GDPD5: variants seen among roughly 807,000 people sequenced by gnomAD.
The protein encoded by GDPD5 is glycerophosphodiester phosphodiesterase domain containing 5.
In GDPD5, 48 loss-of-function variants were observed where a neutral mutation model predicts 75.1. That is an observed-to-expected ratio of 0.64 (90% CI 0.51 to 0.81). The LOEUF is 0.81. Ranked by LOEUF, GDPD5 falls within the 40% of genes least tolerant of loss-of-function variation. GDPD5 has a pLI of 0.00. For synonymous variants in GDPD5, 336 were observed against 339.0 expected, an observed-to-expected ratio of 0.99 and a Z score of 0.10; for missense variants, 706 against 822.6, an observed-to-expected ratio of 0.86 and a Z score of 1.73.
rs1235843833 is a variant in GDPD5, at chr11:75,457,742, G to C, written c.266C>G (p.Pro89Arg). The C allele has an allele frequency of 1.9e-6, 3 of 1,614,020 alleles. No individual in the cohort carries two copies. Among genetic ancestry groups the C allele is most frequent in the Non-Finnish European group, 2.5e-6 (3 of 1,180,018 alleles). The change falls in exon 5 of 17, where the codon CCC becomes CGC. Residue 89 changes from proline (P) to arginine (R), a missense_variant. Coordinates refer to ENST00000336898, the MANE Select transcript of GDPD5 (RefSeq NM_030792.8). ...GGCAGCAGCTGTGGTCACAAGGATG[G>C]GTACGGGCCAGTCGCTCCAGTAGCC... Reference protein sequence around the residue: ...RMGYWSDWPVPILVTTAAAFA... With the variant: ...RMGYWSDWPVRILVTTAAAFA...
chr11:75,458,972 C>T (rs1949354789), intron 4 of GDPD5, among the ~76,000 whole-genome samples: 1 of 152,020 alleles, frequency 6.6e-6, no homozygotes, highest in Admixed American at 6.5e-5. Flanking sequence ...CAGGGTCTTG[C>T]CATGTTTCCC....
rs1315685972 is a variant in GDPD5 at position 75,441,173 on chromosome 11, A to AG, written c.1462dup (p.Leu488ProfsTer44). ...TGCCCCCCAACTCACCATGATCCAG[A>AG]GGGGGGAAGGCACCTGGGACAGGGC... On this transcript the variant is annotated frameshift_variant, in exon 14 of 17. Coordinates refer to ENST00000336898, the MANE Select transcript of GDPD5 (RefSeq NM_030792.8). LOFTEE classifies it high-confidence loss of function. The AG allele has an allele frequency of 6.2e-7, 1 of 1,613,398 alleles. No individual in the cohort carries two copies. The highest frequency in any genetic ancestry group is 8.5e-7 in the Non-Finnish European group (1 of 1,179,776).
chr11:75,485,499 AG>A (rs1950003036), intron 2 of GDPD5: 1 of 145,612 alleles, frequency 6.9e-6, no homozygotes. Flanking sequence ...CTTTTGAAAA[AG>A]TGTATTAAAT....
At chr11:75,437,605 A>G (rs1948660254) in intron 15 of GDPD5, 1 of 153,522 alleles carries the variant, frequency 6.5e-6, no homozygotes, top group African/African-American at 2.4e-5. Context: ...GGTTAGAGTG[A>G]CTTGGAGTGG....
intron 1 of GDPD5, among the ~76,000 whole-genome samples, chr11:75,499,872 C>T (rs187663339): frequency 1.1e-3 from 169 of 152,292 alleles, no homozygotes; most frequent in African/African-American, 3.7e-3. Context: ...AGGCCAACCC[C>T]GCCCAGCCCT....
At chr11:75,474,607 T>TG (rs1279159684) in intron 3 of GDPD5, among the ~76,000 whole-genome samples, 1 of 151,008 alleles carries the variant, frequency 6.6e-6, no homozygotes, top group Non-Finnish European at 1.5e-5. Context: ...GCGTGTATCC[T>TG]GGGGGACTGG....
At chr11:75,470,279 G>A (rs983004439) in intron 3 of GDPD5, among the ~76,000 whole-genome samples, 1 of 152,218 alleles carries the variant, frequency 6.6e-6, no homozygotes, top group African/African-American at 2.4e-5. Flanking sequence ...CTTTCCTTAT[G>A]TAAGAGAATT....
At chr11:75,492,862 A>G (rs962846173) in intron 1 of GDPD5, among the ~76,000 whole-genome samples, 3 of 152,140 alleles carry the variant, frequency 2.0e-5, no homozygotes, top group Admixed American at 2.0e-4. Flanking sequence ...CCTCCCGAGT[A>G]GCTGCGATTA....
chr11:75,523,765 G>A (rs1303314939), intron 1 of GDPD5, among the ~76,000 whole-genome samples: 1 of 152,196 alleles, frequency 6.6e-6, no homozygotes, highest in African/African-American at 2.4e-5. Flanking sequence ...CAGAGGTCTG[G>A]GGTAGAGGGA....
intron 1 of GDPD5, among the ~76,000 whole-genome samples, chr11:75,514,077 G>A (rs1022886227): frequency 6.6e-6 from 1 of 152,240 alleles, no homozygotes; most frequent in African/African-American, 2.4e-5. Flanking sequence ...GACTGCCCTT[G>A]AGCTGGGTGA....
In GDPD5 at chr11:75,477,671, A is replaced by T. The variant is rs781026107; in HGVS notation, c.65T>A (p.Ile22Asn). The stretch of plus-strand genomic sequence containing the variant: ...GTAGCGCTTCCAACGGCAGCCGTAG[A>T]TGCCCGTGAGGCAGGAGAGGCACAG... ...PQLCLSCLTG[I>N]YGCRWKRYQR... is the part of the protein sequence containing the mutation. The change falls in exon 3 of 17, where the codon ATC becomes AAC. Residue 22 changes from isoleucine (I) to asparagine (N), a missense_variant. Coordinates refer to ENST00000336898, the MANE Select transcript of GDPD5 (RefSeq NM_030792.8). 3 of 1,601,058 alleles carry T rather than the reference A, an allele frequency of 1.9e-6. No individual in the cohort carries two copies. In the African/African-American group the frequency reaches 4.0e-5, roughly 21 times the overall value.
intron 9 of GDPD5, among the ~76,000 whole-genome samples, chr11:75,448,106 A>G (rs1329991894): frequency 3.3e-5 from 5 of 152,164 alleles, no homozygotes; most frequent in African/African-American, 1.2e-4. Context: ...AGGTCCCACA[A>G]CAGCCTGGAA....
rs953159402 is a variant in GDPD5 at position 75,441,693 on chromosome 11, G to A, written c.1278C>T (p.Ile426=). The change falls in exon 13 of 17, where the codon ATC becomes ATT. Residue 426 remains isoleucine (I), a synonymous_variant. Transcript: ENST00000336898. Reference sequence around the variant, plus strand: ...GAGTGTAGCGCAGGTTCAGCCGCTGGATGTGGCCTCTCCGCAGGCTGGCGA... The same window carrying A: ...GAGTGTAGCGCAGGTTCAGCCGCTGAATGTGGCCTCTCCGCAGGCTGGCGA... ...EAVASLRRGH[I]QRLNLRYTQV... is the part of the protein sequence containing the mutation. 15 of 1,608,960 alleles carry A rather than the reference G, an allele frequency of 9.3e-6. No individual in the cohort carries two copies. Among genetic ancestry groups the A allele is most frequent in the Admixed American group, 1.7e-5 (1 of 59,824 alleles).
chr11:75,488,756 T>C (rs1419800923), intron 2 of GDPD5, among the ~76,000 whole-genome samples: 1 of 152,188 alleles, frequency 6.6e-6, no homozygotes, highest in East Asian at 1.9e-4. Flanking sequence ...GCTCATATCA[T>C]CTGGCAGAGC....
intron 14 of GDPD5, 89 bp from the exon 15 acceptor site, chr11:75,440,050 A>C: frequency 1.1e-6 from 1 of 950,698 alleles, no homozygotes; most frequent in Non-Finnish European, 1.6e-6. Flanking sequence ...AAAGGACCCC[A>C]CATGGCCACT....
intron 10 of GDPD5, 63 bp downstream of exon 10, chr11:75,444,349 AC>A: frequency 8.3e-7 from 1 of 1,205,016 alleles, no homozygotes; most frequent in Non-Finnish European, 1.2e-6. Context: ...CCCAGCAGAG[AC>A]CCAGGTGGAT....
At chr11:75,486,222 C>T (rs983831898) in intron 2 of GDPD5, among the ~76,000 whole-genome samples, 1 of 152,184 alleles carries the variant, frequency 6.6e-6, no homozygotes, top group African/African-American at 2.4e-5. Context: ...AAGGCCAATC[C>T]CTGATCCCTC....
chr11:75,441,255 G>A lies in GDPD5; in HGVS notation c.1381C>T (p.Leu461Phe). Residue 461 changes from leucine to phenylalanine, a missense_variant, in exon 14 of 17, where the codon CTC becomes TTC. Leu to Phe is a conservative substitution (Grantham distance 22). Coordinates refer to ENST00000336898, the MANE Select transcript of GDPD5 (RefSeq NM_030792.8). ...VNLYTVNAPWLFSLLWCAGVP... is the reference protein window; with the variant it reads ...VNLYTVNAPWFFSLLWCAGVP... ...CCCGCACACCACAGCAGGGAGAAGA[G>A]CCACGGTGCGTTGACTGTGTAGAGG... 6.2e-7 allele frequency: 1 copy of A among 1,614,168 alleles called. No individual in the cohort carries two copies. The highest frequency in any genetic ancestry group is 8.5e-7 in the Non-Finnish European group (1 of 1,180,022).
chr11:75,456,219 G>C (rs577493609), intron 6 of GDPD5, among the ~76,000 whole-genome samples: 1 of 152,332 alleles, frequency 6.6e-6, no homozygotes, highest in South Asian at 2.1e-4. Context: ...TGATGGGTTG[G>C]GAGATCAGCA....
Sources: allele counts gnomAD v4.1 joint callset (sites outside exome capture counted in the v4.1 genomes callset), GRCh38; gene constraint gnomAD v4.1.1; transcripts MANE v1.5; gene names NCBI Gene and HGNC (gene_info 2026-07-23, HGNC 2026-07-21).